PIBF1: variants seen among roughly 807,000 people sequenced by gnomAD.
The protein encoded by PIBF1 is progesterone-induced-blocking factor 1.
In PIBF1, 90 loss-of-function variants were observed where a neutral mutation model predicts 112.5. The observed-to-expected ratio is 0.80, with a 90% CI of 0.67 to 0.95. PIBF1 has a LOEUF of 0.95. Among genes scored for constraint, PIBF1 ranks in the 40% least tolerant of loss-of-function variants. PIBF1 has a pLI of 0.00. For missense variants in PIBF1, 915 were observed against 852.3 expected, an observed-to-expected ratio of 1.07 and a Z score of -0.92; for synonymous variants, 301 against 288.6, an observed-to-expected ratio of 1.04 and a Z score of -0.44.
chr13:72,788,808 TTTC>T (rs1052556471), intron 2 of PIBF1, among the ~76,000 whole-genome samples: 38 of 152,348 alleles, frequency 2.5e-4, no homozygotes, highest in African/African-American at 8.7e-4. Context: ...AAGTAAGTTT[TTTC>T]TTCTACCCAT....
At chr13:72,851,044 A>G (rs566527625) in intron 9 of PIBF1, among the ~76,000 whole-genome samples, 1 of 152,286 alleles carries the variant, frequency 6.6e-6, no homozygotes, top group East Asian at 1.9e-4. Context: ...AAAATTTTAA[A>G]TTTGTTGTTA....
chr13:72,888,970 T>A (rs1474714461), intron 10 of PIBF1, among the ~76,000 whole-genome samples: 6 of 151,522 alleles, frequency 4.0e-5, no homozygotes, highest in Non-Finnish European at 8.8e-5. Flanking sequence ...AAGGCTGAGA[T>A]AGGAGGATGG....
intron 12 of PIBF1, among the ~76,000 whole-genome samples, chr13:72,913,041 C>A (rs2040948749): frequency 6.6e-6 from 1 of 150,578 alleles, no homozygotes. Context: ...TGAAAAAAAT[C>A]AAGGGGTGGG....
At chr13:73,006,907 A>G (rs1288422768) in intron 17 of PIBF1, among the ~76,000 whole-genome samples, 1 of 152,042 alleles carries the variant, frequency 6.6e-6, no homozygotes, top group African/African-American at 2.4e-5. Context: ...TGTTTCTGCA[A>G]TGGCTTTGTG....
chr13:72,994,820 T>TATG (rs2043596262), intron 16 of PIBF1, among the ~76,000 whole-genome samples: 1 of 152,218 alleles, frequency 6.6e-6, no homozygotes, highest in East Asian at 1.9e-4. Flanking sequence ...ACAAAAATGT[T>TATG]TTCTAATTAT....
chr13:72,819,518 A>G (rs1384688321), intron 5 of PIBF1, among the ~76,000 whole-genome samples: 2 of 152,028 alleles, frequency 1.3e-5, no homozygotes, highest in East Asian at 1.9e-4. Context: ...CACTTTTACT[A>G]TTAAACTGTA....
At chr13:72,920,599 G>T (rs1179667248) in intron 13 of PIBF1, among the ~76,000 whole-genome samples, 2 of 152,172 alleles carry the variant, frequency 1.3e-5, no homozygotes, top group African/African-American at 4.8e-5. Context: ...ACCTTTGAGA[G>T]AATTATATGT....
chr13:72,827,619 AAAGGAAAATTTT>A, intron 7 of PIBF1, 102 bp from the exon 8 acceptor site: 1 of 623,050 alleles, frequency 1.6e-6, no homozygotes, highest in Non-Finnish European at 2.6e-6. Flanking sequence ...GCCCTTTTTA[AAAGGAAAATTTT>A]CATGTGGTGA....
chr13:72,950,749 T>A (rs1418156859), intron 14 of PIBF1, among the ~76,000 whole-genome samples: 2 of 152,236 alleles, frequency 1.3e-5, no homozygotes, highest in Non-Finnish European at 2.9e-5. Context: ...GGATGATTAG[T>A]GAATAAGACA....
At chr13:72,954,919 C>T (rs1403201162) in intron 14 of PIBF1, among the ~76,000 whole-genome samples, 10 of 152,176 alleles carry the variant, frequency 6.6e-5, no homozygotes, top group Admixed American at 6.5e-4. Context: ...GGTATCCTCC[C>T]TACAGTACTC....
intron 11 of PIBF1, among the ~76,000 whole-genome samples, chr13:72,904,542 G>A (rs1479289871): frequency 1.4e-5 from 2 of 141,640 alleles, no homozygotes; most frequent in African/African-American, 5.3e-5. Context: ...CCAGGTTCAA[G>A]CGATTCTTGT....
At chr13:72,932,442 T>A (rs562389694) in intron 14 of PIBF1, among the ~76,000 whole-genome samples, 1 of 152,324 alleles carries the variant, frequency 6.6e-6, no homozygotes, top group South Asian at 2.1e-4. Flanking sequence ...CAGAAATACT[T>A]CATTTTATTG....
At chr13:72,987,943 A>T (rs1241911846) in intron 16 of PIBF1, among the ~76,000 whole-genome samples, 1 of 126,030 alleles carries the variant, frequency 7.9e-6, no homozygotes, top group African/African-American at 3.2e-5. Context: ...GCTCACTGCA[A>T]CCTCCGCCCC....
At chr13:72,878,740 G>A (rs1232397526) in intron 10 of PIBF1, among the ~76,000 whole-genome samples, 3 of 152,130 alleles carry the variant, frequency 2.0e-5, no homozygotes, top group Non-Finnish European at 4.4e-5. Context: ...TTCAACTATA[G>A]TAGTAGATTC....
chr13:72,951,087 A>G (rs1301915224), intron 14 of PIBF1, among the ~76,000 whole-genome samples: 1 of 152,208 alleles, frequency 6.6e-6, no homozygotes, highest in Non-Finnish European at 1.5e-5. Flanking sequence ...GTTGTGAAGC[A>G]TATTTCTTTG....
At chr13:73,003,741 G>A (rs1019781557) in intron 17 of PIBF1, among the ~76,000 whole-genome samples, 1 of 152,010 alleles carries the variant, frequency 6.6e-6, no homozygotes, top group African/African-American at 2.4e-5. Context: ...ACACGGTCTT[G>A]CTCTGTCACC....
At chr13:72,854,179 G>A (rs970455531) in intron 10 of PIBF1, 24 bp downstream of exon 10, 1 of 1,364,566 alleles carries the variant, frequency 7.3e-7, no homozygotes, top group African/African-American at 1.4e-5. Context: ...AAATAGAAAT[G>A]TTAAAACTCT....
intron 16 of PIBF1, among the ~76,000 whole-genome samples, chr13:72,994,000 G>A (rs1176629197): frequency 1.3e-5 from 2 of 151,862 alleles, no homozygotes; most frequent in African/African-American, 4.8e-5. Flanking sequence ...TGGTGCCAGC[G>A]GCTCAGGAGG....
chr13:72,848,751 G>A (rs564276694), intron 9 of PIBF1, among the ~76,000 whole-genome samples: 2 of 151,592 alleles, frequency 1.3e-5, no homozygotes, highest in African/African-American at 2.4e-5. Flanking sequence ...AGAATGGCAT[G>A]AACCCGGGAA....
Sources: gnomAD v4.1 joint callset for allele counts (sites outside exome capture counted in the v4.1 genomes callset) on GRCh38, gnomAD v4.1.1 for gene constraint, MANE v1.5 for transcripts, NCBI Gene and HGNC (gene_info 2026-07-23, HGNC 2026-07-21) for gene names.